The following GALNT14 variants were observed in gnomAD, a reference collection of about 807,000 sequenced individuals.
GALNT14 encodes the protein UDP-GalNAc:polypeptide N-acetylgalactosaminyltransferase 14.
A neutral mutation model predicts 77.5 loss-of-function variants in GALNT14; 60 were observed. That is an observed-to-expected ratio of 0.77 (90% CI 0.63 to 0.96). The LOEUF (loss-of-function observed/expected upper bound fraction) is 0.96. Ranked by LOEUF, GALNT14 falls within the 40% of genes least tolerant of loss-of-function variation. The pLI is 0.00. For missense variants in GALNT14, 710 were observed against 731.0 expected, an observed-to-expected ratio of 0.97 and a Z score of 0.33; for synonymous variants, 280 against 281.7, an observed-to-expected ratio of 0.99 and a Z score of 0.06.
chr2:30,890,610 G>T, the GALNT14 span, among the ~76,000 whole-genome samples: 1 of 152,174 alleles, frequency 6.6e-6, no homozygotes, highest in Non-Finnish European at 1.5e-5. Context: ...GTATTTTCTA[G>T]ATTTGACTTC....
At chr2:31,112,214 C>T (rs1677874284) in intron 1 of GALNT14, among the ~76,000 whole-genome samples, 1 of 152,192 alleles carries the variant, frequency 6.6e-6, no homozygotes, top group Admixed American at 6.5e-5. Context: ...CACAGGAGAG[C>T]AAACAGCCAG....
chr2:30,909,914 C>T (rs1440321328), downstream of GALNT14, among the ~76,000 whole-genome samples: 1 of 151,786 alleles, frequency 6.6e-6, no homozygotes, highest in African/African-American at 2.4e-5. Flanking sequence ...TTTGTAGGGA[C>T]ATGGATGAAA....
intron 1 of GALNT14, among the ~76,000 whole-genome samples, chr2:31,003,412 C>T (rs1170188277): frequency 6.6e-6 from 1 of 152,192 alleles, no homozygotes; most frequent in East Asian, 1.9e-4. Flanking sequence ...CCTCACCCTC[C>T]TCCCTCAACA....
rs62142966 is a variant in GALNT14, at chr2:31,062,296, G to A, written c.130-69289C>T. Among the ~76,000 whole-genome samples the A allele has an allele frequency of 9.0e-3, 1,373 of 152,238 alleles. 4 individuals carry two copies. The highest frequency in any genetic ancestry group is 0.016 in the Non-Finnish European group (1,089 of 68,018). ...TTCTCATTTTTCAACTCCCACTTAT[G>A]ACTGAGAACATGTGGTGTTTGGTTT... On this transcript the variant is annotated intron_variant, in intron 1 of 14. Coordinates refer to ENST00000349752, the MANE Select transcript of GALNT14 (RefSeq NM_024572.4).
At chr2:31,122,020 A>T (rs968751973) in intron 1 of GALNT14, among the ~76,000 whole-genome samples, 8 of 152,188 alleles carry the variant, frequency 5.3e-5, no homozygotes, top group African/African-American at 1.4e-4. Flanking sequence ...AATAGCCCAG[A>T]GGGTGAAAAA....
intron 2 of GALNT14, among the ~76,000 whole-genome samples, chr2:30,968,723 C>T (rs1449885919): frequency 3.3e-5 from 5 of 152,214 alleles, no homozygotes; most frequent in African/African-American, 4.8e-5. Context: ...AATTCCTGAC[C>T]CACAGACACT....
chr2:31,018,654 TTTTTA>T (rs1254178025), intron 1 of GALNT14, among the ~76,000 whole-genome samples: 4 of 152,280 alleles, frequency 2.6e-5, no homozygotes, highest in African/African-American at 7.2e-5. Context: ...GGGACTGCTT[TTTTTA>T]TTTTATTATT....
chr2:30,964,377 C>T (rs1003688266), intron 3 of GALNT14, among the ~76,000 whole-genome samples: 6 of 152,214 alleles, frequency 3.9e-5, no homozygotes, highest in Admixed American at 1.3e-4. Context: ...TCCTCTCAGC[C>T]TGGATGCCCC....
At chr2:30,956,453 T>C (rs1417488077) in intron 4 of GALNT14, among the ~76,000 whole-genome samples, 1 of 152,250 alleles carries the variant, frequency 6.6e-6, no homozygotes, top group Non-Finnish European at 1.5e-5. Flanking sequence ...TCATGGAGAA[T>C]GGAGTATCCA....
At chr2:31,044,160 G>T (rs142984963) in intron 1 of GALNT14, among the ~76,000 whole-genome samples, 36 of 152,256 alleles carry the variant, frequency 2.4e-4, no homozygotes, top group African/African-American at 6.0e-4. Flanking sequence ...AAAGCCACAG[G>T]TTGTTATAGA....
At chr2:30,941,716 AC>A (rs911049776) in intron 9 of GALNT14, among the ~76,000 whole-genome samples, 1 of 152,128 alleles carries the variant, frequency 6.6e-6, no homozygotes, top group Non-Finnish European at 1.5e-5. Context: ...CCTCCTCATT[AC>A]CCGAAACTGA....
the GALNT14 span, among the ~76,000 whole-genome samples, chr2:30,897,588 C>G: frequency 2.0e-5 from 3 of 152,178 alleles, no homozygotes; most frequent in Non-Finnish European, 4.4e-5. Context: ...AAGAAGGGAG[C>G]TTCTGGGGGT....
At chr2:31,067,395 G>A (rs1483970272) in intron 1 of GALNT14, among the ~76,000 whole-genome samples, 1 of 152,166 alleles carries the variant, frequency 6.6e-6, no homozygotes, top group Non-Finnish European at 1.5e-5. Flanking sequence ...CGTGCTGAGT[G>A]CAGAGGCACA....
chr2:31,128,145 C>T (rs965208776), intron 1 of GALNT14, among the ~76,000 whole-genome samples: 1 of 152,136 alleles, frequency 6.6e-6, no homozygotes, highest in African/African-American at 2.4e-5. Flanking sequence ...AGTTTAACCA[C>T]ATATGTGGGC....
chr2:30,954,235 G>C (rs149119865), intron 6 of GALNT14, among the ~76,000 whole-genome samples: 3 of 152,342 alleles, frequency 2.0e-5, no homozygotes, highest in South Asian at 2.1e-4. Context: ...CTGCAGAAGA[G>C]AGCATGGAGG....
chr2:31,038,576 A>G (rs7592553), intron 1 of GALNT14, among the ~76,000 whole-genome samples: 68,448 of 151,162 alleles, frequency 0.45, 15,827 homozygotes, highest in East Asian at 0.54. Context: ...GGGGGAGGGT[A>G]GGTGTTCCAA....
chr2:31,125,134 G>C (rs964549693), intron 1 of GALNT14: 2 of 1,521,080 alleles, frequency 1.3e-6, no homozygotes, highest in South Asian at 1.2e-5. Context: ...CACACTCCTG[G>C]GGACACACAG....
intron 9 of GALNT14, among the ~76,000 whole-genome samples, chr2:30,935,844 A>G (rs944764922): frequency 6.6e-5 from 10 of 152,188 alleles, no homozygotes; most frequent in Non-Finnish European, 1.3e-4. Context: ...TGCTATCAGA[A>G]GTGCTGTAGA....
chr2:31,041,630 C>T (rs1023993015), intron 1 of GALNT14, among the ~76,000 whole-genome samples: 6 of 151,950 alleles, frequency 3.9e-5, no homozygotes, highest in Admixed American at 1.3e-4. Flanking sequence ...CATGCTACGG[C>T]ATTCATATTG....
Sources: gnomAD v4.1 joint callset for allele counts (sites outside exome capture counted in the v4.1 genomes callset) on GRCh38, gnomAD v4.1.1 for gene constraint, MANE v1.5 for transcripts, NCBI Gene and HGNC (gene_info 2026-07-23, HGNC 2026-07-21) for gene names.